SLC2A12: variants seen among roughly 807,000 people sequenced by gnomAD.
SLC2A12 encodes the protein solute carrier family 2 member 12.
A neutral mutation model predicts 41.8 loss-of-function variants in SLC2A12; 23 were observed. That is an observed-to-expected ratio of 0.55 (90% CI 0.40 to 0.78). The LOEUF (loss-of-function observed/expected upper bound fraction) is 0.78, where lower values mean the gene tolerates loss of function less well. Among genes scored for constraint, SLC2A12 ranks in the 30% least tolerant of loss-of-function variants. The pLI is 0.00. For synonymous variants in SLC2A12, 295 were observed against 285.9 expected, an observed-to-expected ratio of 1.03 and a Z score of -0.32; for missense variants, 654 against 745.6, an observed-to-expected ratio of 0.88 and a Z score of 1.43.
Position 133,990,812 on chromosome 6 carries a change from C to A in SLC2A12, c.*343G>T, listed in dbSNP as rs756589965. ...AAGCTGCGACTGGCCTCCATACATA[C>A]ATAGCTTAAGGCGGAGGTTGATGTC... is the stretch of plus-strand genomic sequence containing the variant. On this transcript the variant is annotated 3_prime_UTR_variant, in exon 5 of 5. Transcript: ENST00000275230. 1.1e-5 allele frequency: 2 copies of A among 178,242 alleles called. No individual in the cohort carries two copies. Among genetic ancestry groups the A allele is most frequent in the Non-Finnish European group, 1.2e-5 (1 of 85,664 alleles). 11.0% of individuals were successfully genotyped at this position (178,242 alleles called of 1,614,324 possible).
chr6:134,018,986 A>G (rs1487786351), intron 2 of SLC2A12, among the ~76,000 whole-genome samples: 1 of 152,182 alleles, frequency 6.6e-6, no homozygotes, highest in Non-Finnish European at 1.5e-5. Context: ...AGAAGAGATC[A>G]GGGGAGGTTA....
At chr6:134,016,750 CT>C (rs1776967992) in intron 2 of SLC2A12, among the ~76,000 whole-genome samples, 1 of 152,138 alleles carries the variant, frequency 6.6e-6, no homozygotes, top group Admixed American at 6.5e-5. Flanking sequence ...AGTTTGATTA[CT>C]TGTGGCTATG....
intron 3 of SLC2A12, among the ~76,000 whole-genome samples, chr6:134,006,270 G>A (rs1582601034): frequency 6.7e-6 from 1 of 150,002 alleles, no homozygotes; most frequent in East Asian, 2.0e-4. Flanking sequence ...AAAATTCTAT[G>A]AAATAAATCA....
chr6:134,010,324 T>C (rs1004763902), intron 2 of SLC2A12, among the ~76,000 whole-genome samples: 2 of 152,172 alleles, frequency 1.3e-5, no homozygotes, highest in African/African-American at 4.8e-5. Context: ...TCTCTGGGAA[T>C]CTTCTTTATT....
At chr6:134,019,795 G>A (rs1777017251) in intron 2 of SLC2A12, among the ~76,000 whole-genome samples, 1 of 152,192 alleles carries the variant, frequency 6.6e-6, no homozygotes, top group Non-Finnish European at 1.5e-5. Flanking sequence ...GCCAAGGCAG[G>A]TGGATCACTT....
chr6:133,991,599 T>C (rs1776625004), intron 4 of SLC2A12, among the ~76,000 whole-genome samples: 1 of 152,136 alleles, frequency 6.6e-6, no homozygotes, highest in Non-Finnish European at 1.5e-5. Context: ...GGAGGTTTCA[T>C]CCCAGACCTT....
chr6:134,014,317 C>T (rs997192234), intron 2 of SLC2A12, among the ~76,000 whole-genome samples: 86 of 152,286 alleles, frequency 5.6e-4, no homozygotes, highest in African/African-American at 1.9e-3. Context: ...CCATAGCTCA[C>T]CTCCTGCTGT....
At chr6:134,025,042 A>G (rs1777095848) in intron 2 of SLC2A12, among the ~76,000 whole-genome samples, 1 of 152,168 alleles carries the variant, frequency 6.6e-6, no homozygotes, top group South Asian at 2.1e-4. Context: ...TAAAAAGTAC[A>G]TGTTCACTTA....
At chr6:134,029,761 T>C (rs1045663042) in intron 1 of SLC2A12, 40 bp from the exon 2 acceptor site, 4 of 1,542,992 alleles carry the variant, frequency 2.6e-6, no homozygotes, top group African/African-American at 2.7e-5. Flanking sequence ...CAGTTCTCAG[T>C]TGAGATTTTA....
chr6:133,996,817 T>C (rs891742460), intron 4 of SLC2A12, among the ~76,000 whole-genome samples: 3 of 152,210 alleles, frequency 2.0e-5, no homozygotes, highest in Non-Finnish European at 2.9e-5. Flanking sequence ...GATAACTTAC[T>C]GTATTTTTTT....
At chr6:133,996,640 C>T (rs778142991) in intron 4 of SLC2A12, among the ~76,000 whole-genome samples, 1 of 152,118 alleles carries the variant, frequency 6.6e-6, no homozygotes, top group Non-Finnish European at 1.5e-5. Flanking sequence ...TACATCAGGA[C>T]GGTTACCTTG....
At chr6:134,028,303 A>G in intron 2 of SLC2A12, 78 bp downstream of exon 2, 2 of 1,495,460 alleles carry the variant, frequency 1.3e-6, no homozygotes, top group Non-Finnish European at 1.8e-6. Flanking sequence ...TCCTTCTAGC[A>G]CTTATGTTCA....
intron 2 of SLC2A12, among the ~76,000 whole-genome samples, chr6:134,018,251 T>C (rs1383439328): frequency 6.6e-6 from 1 of 152,124 alleles, no homozygotes; most frequent in Non-Finnish European, 1.5e-5. Context: ...GTGTACTAAG[T>C]CCATGCCACA....
intron 2 of SLC2A12, among the ~76,000 whole-genome samples, chr6:134,026,708 C>T (rs1453873119): frequency 6.6e-6 from 1 of 152,230 alleles, no homozygotes; most frequent in African/African-American, 2.4e-5. Context: ...GTAATGTTTA[C>T]TCTATCTGCC....
intron 4 of SLC2A12, among the ~76,000 whole-genome samples, chr6:133,994,135 G>A (rs769787101): frequency 2.0e-5 from 3 of 152,176 alleles, no homozygotes; most frequent in South Asian, 2.1e-4. Context: ...GATATATTTT[G>A]AAGTAAGAGC....
At chr6:134,014,155 T>C (rs1776925298) in intron 2 of SLC2A12, among the ~76,000 whole-genome samples, 1 of 152,192 alleles carries the variant, frequency 6.6e-6, no homozygotes, top group Admixed American at 6.5e-5. Context: ...GGTTTCGGGA[T>C]GATTCAAGTA....
intron 2 of SLC2A12, among the ~76,000 whole-genome samples, chr6:134,023,955 G>C (rs1777079410): frequency 6.6e-6 from 1 of 152,184 alleles, no homozygotes; most frequent in Non-Finnish European, 1.5e-5. Flanking sequence ...TCTGGATTAG[G>C]GTTGGAAAGA....
At chr6:134,006,176 G>GAAAAAAAAAAAAAA (rs1182572567) in intron 3 of SLC2A12, among the ~76,000 whole-genome samples, 15 of 61,778 alleles carry the variant, frequency 2.4e-4, no homozygotes, top group Admixed American at 6.6e-4. Context: ...GAGACTATCG[G>GAAAAAAAAAAAAAA]AAAAAAAAAA....
At chr6:134,037,402 C>T (rs1245832711) in intron 1 of SLC2A12, among the ~76,000 whole-genome samples, 1 of 151,620 alleles carries the variant, frequency 6.6e-6, no homozygotes, top group Non-Finnish European at 1.5e-5. Context: ...GCTCTGTCGC[C>T]AGGCTGGAGT....
Sources: allele counts gnomAD v4.1 joint callset (sites outside exome capture counted in the v4.1 genomes callset), GRCh38; gene constraint gnomAD v4.1.1; transcripts MANE v1.5; gene names NCBI Gene and HGNC (gene_info 2026-07-23, HGNC 2026-07-21).